ZNF385B: variants seen among roughly 807,000 people sequenced by gnomAD.
ZNF385B encodes the protein zinc finger protein 385B.
A neutral mutation model predicts 39.2 loss-of-function variants in ZNF385B; 23 were observed. The observed-to-expected ratio is 0.59, with a 90% CI of 0.42 to 0.83. The LOEUF is 0.83. Ranked by LOEUF, ZNF385B falls within the 40% of genes least tolerant of loss-of-function variation. The pLI, the probability that ZNF385B is intolerant of heterozygous loss-of-function variation, is 0.00. For synonymous variants in ZNF385B, 205 were observed against 222.6 expected, an observed-to-expected ratio of 0.92 and a Z score of 0.70; for missense variants, 552 against 598.9, an observed-to-expected ratio of 0.92 and a Z score of 0.82.
At chr2:179,781,551 GA>G (rs1704666167) in intron 1 of ZNF385B, among the ~76,000 whole-genome samples, 1 of 152,050 alleles carries the variant, frequency 6.6e-6, no homozygotes, top group Non-Finnish European at 1.5e-5. Flanking sequence ...GTTTTTAAAG[GA>G]AAAGAGAACA....
chr2:179,563,257 T>C (rs768214010), intron 3 of ZNF385B, among the ~76,000 whole-genome samples: 4 of 152,194 alleles, frequency 2.6e-5, no homozygotes, highest in Admixed American at 6.5e-5. Context: ...GACCATGTTG[T>C]CAGAATAAAG....
chr2:179,654,450 T>C (rs1575100150), intron 3 of ZNF385B, among the ~76,000 whole-genome samples: 1 of 152,236 alleles, frequency 6.6e-6, no homozygotes, highest in East Asian at 1.9e-4. Context: ...TCCAGCCTAC[T>C]ACGTAGGAAC....
chr2:179,846,792 A>T (rs529297868), intron 1 of ZNF385B, among the ~76,000 whole-genome samples: 113 of 152,336 alleles, frequency 7.4e-4, no homozygotes, highest in African/African-American at 2.5e-3. Context: ...CATTTCTAAC[A>T]TGCTTCCAAG....
chr2:179,585,012 A>T (rs1686941075), intron 3 of ZNF385B, among the ~76,000 whole-genome samples: 2 of 152,186 alleles, frequency 1.3e-5, no homozygotes, highest in Non-Finnish European at 1.5e-5. Context: ...ATGAGGAGTG[A>T]CACACATCCA....
At chr2:179,790,227 T>C (rs971983451) in intron 1 of ZNF385B, among the ~76,000 whole-genome samples, 1 of 152,230 alleles carries the variant, frequency 6.6e-6, no homozygotes, top group Non-Finnish European at 1.5e-5. Flanking sequence ...GGAAGATTTC[T>C]CCTCTTTTGC....
At chr2:179,622,318 T>C (rs1690286087) in intron 3 of ZNF385B, among the ~76,000 whole-genome samples, 2 of 152,246 alleles carry the variant, frequency 1.3e-5, no homozygotes, top group African/African-American at 4.8e-5. Flanking sequence ...TCTTTTAGCC[T>C]AGCTTGGGTT....
chr2:179,611,399 G>T (rs1380227789), intron 3 of ZNF385B, among the ~76,000 whole-genome samples: 1 of 117,468 alleles, frequency 8.5e-6, no homozygotes, highest in African/African-American at 3.4e-5. Context: ...AACCCCACTT[G>T]GTCATCATGG....
chr2:179,692,096 A>C (rs1285960465), intron 3 of ZNF385B, among the ~76,000 whole-genome samples: 2 of 152,016 alleles, frequency 1.3e-5, no homozygotes, highest in Non-Finnish European at 2.9e-5. Flanking sequence ...CAAACACTAG[A>C]TCTTATTCCT....
intron 3 of ZNF385B, among the ~76,000 whole-genome samples, chr2:179,702,889 G>A (rs1044709813): frequency 3.3e-5 from 5 of 152,064 alleles, no homozygotes; most frequent in Non-Finnish European, 5.9e-5. Flanking sequence ...CCCGCATCCC[G>A]TGTCAGTATC....
chr2:179,848,449 ACTACTCG>A (rs1708912788), intron 1 of ZNF385B, among the ~76,000 whole-genome samples: 1 of 152,246 alleles, frequency 6.6e-6, no homozygotes, highest in Non-Finnish European at 1.5e-5. Flanking sequence ...TAAGAATGCT[ACTACTCG>A]GTATGTGCAG....
intron 6 of ZNF385B, among the ~76,000 whole-genome samples, chr2:179,477,683 C>A (rs1417163120): frequency 6.6e-6 from 1 of 152,132 alleles, no homozygotes; most frequent in African/African-American, 2.4e-5. Flanking sequence ...TCAGTGAGTA[C>A]ATTTGGCTCT....
intron 3 of ZNF385B, among the ~76,000 whole-genome samples, chr2:179,693,594 CAG>C (rs1324070845): frequency 1.3e-5 from 2 of 151,930 alleles, no homozygotes; most frequent in African/African-American, 4.8e-5. Flanking sequence ...TAAAAAAATC[CAG>C]AGTTTCATTG....
At chr2:179,673,371 CT>C (rs1696304694) in intron 3 of ZNF385B, among the ~76,000 whole-genome samples, 1 of 152,000 alleles carries the variant, frequency 6.6e-6, no homozygotes, top group African/African-American at 2.4e-5. Flanking sequence ...ACATCATACG[CT>C]TTTCACAAAT....
At chr2:179,825,884 G>A (rs930642994) in intron 1 of ZNF385B, among the ~76,000 whole-genome samples, 3 of 151,998 alleles carry the variant, frequency 2.0e-5, no homozygotes, top group Admixed American at 6.6e-5. Context: ...CTTTCTTCCC[G>A]TTTACCACTT....
chr2:179,665,828 T>C (rs1695075025), intron 3 of ZNF385B, among the ~76,000 whole-genome samples: 1 of 151,714 alleles, frequency 6.6e-6, no homozygotes, highest in Admixed American at 6.6e-5. Context: ...TTTTTTCTTT[T>C]CATTTAAAAA....
chr2:179,548,156 C>T (rs557761800), intron 3 of ZNF385B, among the ~76,000 whole-genome samples: 3 of 149,462 alleles, frequency 2.0e-5, no homozygotes, highest in South Asian at 4.3e-4. Flanking sequence ...TAAGATGATA[C>T]CATCTGCAAA....
intron 4 of ZNF385B, among the ~76,000 whole-genome samples, chr2:179,538,350 G>T (rs2105886784): frequency 6.6e-6 from 1 of 152,146 alleles, no homozygotes; most frequent in Admixed American, 6.5e-5. Flanking sequence ...AGATATTAAA[G>T]GCAGGGTAAA....
chr2:179,493,474 T>C (rs1238771495), intron 5 of ZNF385B, among the ~76,000 whole-genome samples: 3 of 120,788 alleles, frequency 2.5e-5, no homozygotes, highest in Admixed American at 9.6e-5. Context: ...TATATGCATG[T>C]GTACACATAT....
intron 1 of ZNF385B, among the ~76,000 whole-genome samples, chr2:179,824,065 G>C (rs1412756057): frequency 6.6e-6 from 1 of 151,986 alleles, no homozygotes; most frequent in Non-Finnish European, 1.5e-5. Flanking sequence ...ATTCACCTAA[G>C]GCTTTTTAAA....
Sources: gnomAD v4.1 joint callset for allele counts (sites outside exome capture counted in the v4.1 genomes callset) on GRCh38, gnomAD v4.1.1 for gene constraint, MANE v1.5 for transcripts, NCBI Gene and HGNC (gene_info 2026-07-23, HGNC 2026-07-21) for gene names.